The following LPP variants were observed in gnomAD, a reference collection of about 807,000 sequenced individuals.
The protein encoded by LPP is LIM domain containing preferred translocation partner in lipoma, also known as lipoma-preferred partner.
LPP carries 38 observed loss-of-function variants against 60.4 expected under a neutral mutation model. That is an observed-to-expected ratio of 0.63 (90% confidence interval 0.49 to 0.83). The LOEUF is 0.83. Ranked by LOEUF, LPP falls within the 40% of genes least tolerant of loss-of-function variation. The pLI, the probability that LPP is intolerant of heterozygous loss-of-function variation, is 0.00. For synonymous variants in LPP, 328 were observed against 290.8 expected (o/e 1.13, Z -1.30); for missense variants, 902 against 783.6 (o/e 1.15, Z -1.80).
At chr3:188,827,917 T>A (rs1756007708) in intron 9 of LPP, among the ~76,000 whole-genome samples, 2 of 152,204 alleles carry the variant, frequency 1.3e-5, no homozygotes, top group Non-Finnish European at 2.9e-5. Flanking sequence ...TCCATTCTCC[T>A]ACCTTCCTCT....
intron 7 of LPP, among the ~76,000 whole-genome samples, chr3:188,658,158 T>TTAGTTTAGTTTAGTTTAGTTTAGTTTAG (rs1352039832): frequency 2.0e-5 from 3 of 152,218 alleles, no homozygotes; most frequent in East Asian, 1.9e-4. Context: ...TTAGTTTAGT[T>TTAGTTTAGTTTAGTTTAGTTTAGTTTAG]TTAACGACAG....
chr3:188,535,065 G>A (rs144735046), intron 6 of LPP, among the ~76,000 whole-genome samples: 3 of 152,114 alleles, frequency 2.0e-5, no homozygotes, highest in Non-Finnish European at 2.9e-5. Flanking sequence ...AAGTGAGCAC[G>A]TGTTGCTGTT....
In LPP at chr3:188,338,760, G is replaced by A. The variant is rs560841954; in HGVS notation, c.-66-2903G>A. On this transcript the variant is annotated intron_variant, in intron 2 of 11. Transcript: ENST00000617246. Reference sequence around the variant, plus strand: ...TTATATTGCTTATTGAGGTACTAAAGCACTTACAAAATATCAAGTATTTTG... The same window carrying A: ...TTATATTGCTTATTGAGGTACTAAAACACTTACAAAATATCAAGTATTTTG... Among the ~76,000 whole-genome samples the A allele has an allele frequency of 3.2e-4, 49 of 152,230 alleles. No homozygotes were observed. The East Asian group carries it at 9.5e-3, about 29-fold the overall frequency.
In LPP at chr3:188,874,505, T is replaced by C. The variant is rs763023387; in HGVS notation, c.*26T>C. On this transcript the variant is annotated 3_prime_UTR_variant, in exon 12 of 12. Coordinates refer to ENST00000617246, the MANE Select transcript of LPP (RefSeq NM_001375462.1). ...ATTCAGTCACCTGTTCAGCCGGCAC[T>C]GAGAAGAACGAACACAAGAAAAAGA... 7.5e-6 allele frequency: 12 copies of C among 1,607,786 alleles called. No individual in the cohort carries two copies. Among genetic ancestry groups the C allele is most frequent in the South Asian group, 2.2e-5 (2 of 90,766 alleles).
intron 3 of LPP, among the ~76,000 whole-genome samples, chr3:188,348,340 G>T (rs897688762): frequency 2.6e-5 from 4 of 151,822 alleles, no homozygotes; most frequent in Admixed American, 2.6e-4. Flanking sequence ...TAGAGACAAG[G>T]TTTCACCATG....
At chr3:188,313,898 T>A (rs1433395224) in intron 2 of LPP, among the ~76,000 whole-genome samples, 2 of 152,190 alleles carry the variant, frequency 1.3e-5, no homozygotes, top group Non-Finnish European at 2.9e-5. Flanking sequence ...TTAATGTAAT[T>A]ATTTTCTATT....
At chr3:188,747,910 A>C (rs2150273438) in intron 8 of LPP, among the ~76,000 whole-genome samples, 1 of 152,306 alleles carries the variant, frequency 6.6e-6, no homozygotes, top group East Asian at 1.9e-4. Context: ...GCTCCAGTGT[A>C]ACATCGGGTG....
At chr3:188,800,577 G>A (rs2151150373) in intron 9 of LPP, among the ~76,000 whole-genome samples, 1 of 152,162 alleles carries the variant, frequency 6.6e-6, no homozygotes, top group South Asian at 2.1e-4. Flanking sequence ...TTTAAAATGG[G>A]TTTTCCAAGT....
chr3:188,625,869 G>C (rs1320040823), intron 7 of LPP, among the ~76,000 whole-genome samples: 3 of 152,180 alleles, frequency 2.0e-5, no homozygotes, highest in African/African-American at 4.8e-5. Flanking sequence ...ATTCAAGTCT[G>C]TTAACCATTT....
rs1342599001 is a variant in LPP at position 188,853,821 on chromosome 3, AT to A, written c.1411-12372del. ...ACTCCAAACCATTGAAGCACTTTAGATTTTTTTCTTTTTTTTTTTTCCTTTT... is the reference window on the plus strand; with the variant it reads ...ACTCCAAACCATTGAAGCACTTTAGATTTTTTCTTTTTTTTTTTTCCTTTT... On this transcript the variant is annotated intron_variant, in intron 9 of 11. Coordinates refer to ENST00000617246, the MANE Select transcript of LPP (RefSeq NM_001375462.1). Among the ~76,000 whole-genome samples the A allele has an allele frequency of 1.7e-3, 208 of 121,090 alleles. 6 individuals are homozygous for A. In the Admixed American group the frequency reaches 0.018, roughly 10 times the overall value. The allele number at this position is 121,090 out of a possible 152,430, so 79.4% of individuals were successfully genotyped here. A position where few individuals can be genotyped will look rare whatever the true frequency, so the allele number is the denominator to read the frequency against.
chr3:188,799,046 A>G (rs1173862430), intron 9 of LPP, among the ~76,000 whole-genome samples: 1 of 152,252 alleles, frequency 6.6e-6, no homozygotes, highest in African/African-American at 2.4e-5. Flanking sequence ...GTGTGAGCCA[A>G]ATCTTCTCAA....
intron 1 of LPP, among the ~76,000 whole-genome samples, chr3:188,160,644 C>G (rs550561109): frequency 1.3e-5 from 2 of 152,206 alleles, no homozygotes; most frequent in African/African-American, 4.8e-5. Context: ...CTCCTTAACC[C>G]TTCCAACCCA....
At chr3:188,632,887 C>A (rs1413228134) in intron 7 of LPP, among the ~76,000 whole-genome samples, 1 of 152,136 alleles carries the variant, frequency 6.6e-6, no homozygotes, top group East Asian at 1.9e-4. Flanking sequence ...CCCCCATTTC[C>A]TGCTTATTTG....
rs1269071702 is a variant in LPP, at chr3:188,352,526, C to T, written c.-10+10807C>T. ...AAACGGTTGGAAACTGTAGATCAGG[C>T]ACAGACATTGAATGTTTAGGAGCAA... On this transcript the variant is annotated intron_variant, in intron 3 of 11. Transcript: ENST00000617246. The surrounding 1 kb of genome is among the most constrained non-coding windows in gnomAD (Gnocchi z 4.4). 6.6e-6 allele frequency among the ~76,000 whole-genome samples: 1 copy of T among 152,212 alleles called. No individual in the cohort carries two copies. Among genetic ancestry groups the T allele is most frequent in the African/African-American group, 2.4e-5 (1 of 41,448 alleles).
At chr3:188,197,332 A>G (rs1729816375) in intron 1 of LPP, among the ~76,000 whole-genome samples, 2 of 152,160 alleles carry the variant, frequency 1.3e-5, no homozygotes, top group Admixed American at 1.3e-4. Flanking sequence ...CCACCAGAGT[A>G]GAATAAGGAT....
chr3:188,803,522 C>T (rs1175359933), intron 9 of LPP, among the ~76,000 whole-genome samples: 2 of 151,984 alleles, frequency 1.3e-5, no homozygotes, highest in Non-Finnish European at 2.9e-5. Flanking sequence ...AGGTATTTTT[C>T]CCCCCATAGG....
At chr3:188,441,244 G>A (rs986622330) in intron 4 of LPP, among the ~76,000 whole-genome samples, 8 of 152,188 alleles carry the variant, frequency 5.3e-5, no homozygotes, top group African/African-American at 1.9e-4. Context: ...TCTAGATCAA[G>A]GACTGATTCC....
In LPP at chr3:188,828,351, T is replaced by A. The variant is rs370973940; in HGVS notation, c.1411-37849T>A. Among the ~76,000 whole-genome samples, 9 of 151,278 alleles carry A rather than the reference T, an allele frequency of 5.9e-5. No individual in the cohort carries two copies. In the East Asian group the frequency reaches 9.8e-4, roughly 16 times the overall value. On this transcript the variant is annotated intron_variant, in intron 9 of 11. Coordinates refer to ENST00000617246, the MANE Select transcript of LPP (RefSeq NM_001375462.1). ...TGCATGCAGTGGCTCATGCCTGTAA[T>A]CCCAGCACTTTGGGAGGCCGAGGTG...
chr3:188,774,477 C>T (rs1238110437), intron 9 of LPP, among the ~76,000 whole-genome samples: 1 of 152,038 alleles, frequency 6.6e-6, no homozygotes, highest in African/African-American at 2.4e-5. Flanking sequence ...TCCCTATCCA[C>T]CTCCAAATCT....
Sources: gnomAD v4.1 joint callset for allele counts (sites outside exome capture counted in the v4.1 genomes callset) on GRCh38, gnomAD v4.1.1 for gene constraint, Gnocchi (gnomAD v3.1) non-coding constraint, MANE v1.5 for transcripts, NCBI Gene and HGNC (gene_info 2026-07-23, HGNC 2026-07-21) for gene names.